The following ARHGEF28 variants were observed in gnomAD, a reference collection of about 807,000 sequenced individuals.
ARHGEF28 encodes 190 kDa guanine nucleotide exchange factor.
Under a neutral mutation model 206.6 loss-of-function variants are expected in ARHGEF28, and 152 were observed. The observed-to-expected ratio is 0.74, with a 90% CI of 0.64 to 0.84. The LOEUF (loss-of-function observed/expected upper bound fraction) is 0.84. Ranked by LOEUF, ARHGEF28 falls within the 40% of genes least tolerant of loss-of-function variation. The probability of loss-of-function intolerance (pLI) is 0.00; values close to 1 mark genes in which losing one functional copy is unlikely to be tolerated. For synonymous variants in ARHGEF28, 763 were observed against 776.4 expected, an observed-to-expected ratio of 0.98 and a Z score of 0.29; for missense variants, 2,028 against 2,073.2, an observed-to-expected ratio of 0.98 and a Z score of 0.42.
At chr5:73,915,050 C>T (rs1338362255) in intron 35 of ARHGEF28, among the ~76,000 whole-genome samples, 1 of 152,184 alleles carries the variant, frequency 6.6e-6, no homozygotes, top group Non-Finnish European at 1.5e-5. Context: ...ATGAGTTGTA[C>T]TTTTTAAAGA....
At chr5:73,740,170 C>A (rs1310536938) in intron 2 of ARHGEF28, among the ~76,000 whole-genome samples, 7 of 126,960 alleles carry the variant, frequency 5.5e-5, no homozygotes, top group Non-Finnish European at 3.3e-5. Context: ...TAGTGAGAAC[C>A]TATCTCAAAA....
chr5:73,735,722 CT>C (rs1331087340), intron 2 of ARHGEF28, among the ~76,000 whole-genome samples: 1 of 152,196 alleles, frequency 6.6e-6, no homozygotes, highest in Non-Finnish European at 1.5e-5. Context: ...TCCAGGAACT[CT>C]TTGTCTTCCA....
At position 73,909,496 on chromosome 5, in the gene ARHGEF28, A is replaced by G. The variant is rs1762748317; in HGVS notation, c.4246A>G (p.Ile1416Val). 6.2e-7 allele frequency: 1 copy of G among 1,611,180 alleles called. No individual in the cohort carries two copies. The highest frequency in any genetic ancestry group is 8.5e-7 in the Non-Finnish European group (1 of 1,178,888). Residue 1416 changes from isoleucine to valine, a missense_variant, in exon 34 of 36, where the codon ATC becomes GTC. By Grantham distance (29) the Ile-to-Val change is conservative. Coordinates refer to ENST00000513042, the MANE Select transcript of ARHGEF28 (RefSeq NM_001177693.2). ...GGAGGGCCTGTCTCTCGGCCACTCT[A>G]TCCTCCGAGGCGGCCCCTTGCAGGA... is the stretch of plus-strand genomic sequence containing the variant. The part of the protein sequence containing the change: ...QQEGLSLGHS[I>V]LRGGPLQDQK...
chr5:73,894,738 G>C (rs572148423), intron 29 of ARHGEF28, among the ~76,000 whole-genome samples, 163 bp downstream of exon 29: 46 of 152,190 alleles, frequency 3.0e-4, no homozygotes, highest in Non-Finnish European at 6.0e-4. Flanking sequence ...CAAATATAAA[G>C]AAAGAAATAT....
intron 1 of ARHGEF28, among the ~76,000 whole-genome samples, chr5:73,661,673 G>A (rs1745606456): frequency 6.6e-6 from 1 of 151,982 alleles, no homozygotes; most frequent in Admixed American, 6.6e-5. Flanking sequence ...GTGTCTCAGG[G>A]AATAGGAAAG....
chr5:73,755,791 C>T (rs1752276852), intron 4 of ARHGEF28, among the ~76,000 whole-genome samples: 1 of 152,148 alleles, frequency 6.6e-6, no homozygotes, highest in South Asian at 2.1e-4. Context: ...ATCCTATTGC[C>T]ATTTTCATTG....
chr5:73,777,457 C>T (rs1753605716), intron 6 of ARHGEF28, among the ~76,000 whole-genome samples: 1 of 152,184 alleles, frequency 6.6e-6, no homozygotes, highest in Non-Finnish European at 1.5e-5. Context: ...GGTCTCGTGA[C>T]TATTTAGGCT....
At chr5:73,675,525 G>A (rs544660103) in intron 1 of ARHGEF28, among the ~76,000 whole-genome samples, 1 of 152,184 alleles carries the variant, frequency 6.6e-6, no homozygotes, top group Admixed American at 6.5e-5. Context: ...AAGGTCAGGA[G>A]ATTGAGACCA....
In ARHGEF28 at chr5:73,911,540, C is replaced by T; in HGVS notation, c.4913C>T (p.Pro1638Leu). Residue 1638 changes from proline (P) to leucine (L), a missense_variant, in exon 35 of 36, where the codon CCT (proline) becomes CTT (leucine). Pro to Leu is a moderately conservative substitution (Grantham distance 98). This residue lies in a region of ARHGEF28 where 803 missense variants were observed against 768.0 expected (regional missense o/e 1.05). Coordinates refer to ENST00000513042, the MANE Select transcript of ARHGEF28 (RefSeq NM_001177693.2). ...TAAGSGHQIL[P>L]FHESSKDSCK... ...GCTGGTTCCGGCCATCAGATACTTCCTTTCCATGAAAGCAGCAAGGATTCT... is the reference window on the plus strand; with the variant it reads ...GCTGGTTCCGGCCATCAGATACTTCTTTTCCATGAAAGCAGCAAGGATTCT... 6.2e-7 allele frequency: 1 copy of T among 1,611,414 alleles called. No homozygotes were observed. The highest frequency in any genetic ancestry group is 8.5e-7 in the Non-Finnish European group (1 of 1,178,588).
At chr5:73,784,712 T>A (rs1754051203) in intron 7 of ARHGEF28, among the ~76,000 whole-genome samples, 1 of 152,214 alleles carries the variant, frequency 6.6e-6, no homozygotes, top group Admixed American at 6.5e-5. Flanking sequence ...TGGATAACAC[T>A]GAACCTTATA....
At chr5:73,758,210 C>A (rs1325036606) in intron 4 of ARHGEF28, among the ~76,000 whole-genome samples, 1 of 152,112 alleles carries the variant, frequency 6.6e-6, no homozygotes, top group Non-Finnish European at 1.5e-5. Context: ...TAGCTTCTCT[C>A]CTAACCTATG....
chr5:73,703,023 A>T (rs1396711321), intron 2 of ARHGEF28, among the ~76,000 whole-genome samples: 3 of 152,238 alleles, frequency 2.0e-5, no homozygotes, highest in Non-Finnish European at 4.4e-5. Flanking sequence ...AAAGTGATAG[A>T]TCAGATAACA....
At chr5:73,742,597 G>A (rs548222855) in intron 2 of ARHGEF28, among the ~76,000 whole-genome samples, 4,328 of 151,416 alleles carry the variant, frequency 0.029, 202 homozygotes, top group African/African-American at 0.096. Flanking sequence ...GGCCGAGGCG[G>A]GTGGATCATG....
intron 27 of ARHGEF28, among the ~76,000 whole-genome samples, chr5:73,892,620 A>G (rs996255133): frequency 5.3e-5 from 8 of 152,072 alleles, no homozygotes; most frequent in African/African-American, 1.7e-4. Context: ...GTGTTTATTT[A>G]ATTAGATTGG....
intron 2 of ARHGEF28, among the ~76,000 whole-genome samples, chr5:73,730,245 A>G (rs907372760): frequency 6.6e-6 from 1 of 152,188 alleles, no homozygotes; most frequent in African/African-American, 2.4e-5. Context: ...AAACTGTCCC[A>G]GTCAGATATG....
chr5:73,894,978 G>A lies in ARHGEF28; in HGVS notation c.3841+403G>A, dbSNP rs78826850. On this transcript the variant is annotated intron_variant, in intron 29 of 35. Coordinates refer to ENST00000513042, the MANE Select transcript of ARHGEF28 (RefSeq NM_001177693.2). The stretch of plus-strand genomic sequence containing the variant: ...CCTGGTGCATGGAAGTGCCAGGCTC[G>A]CCTGAGGAGCAGGCAGGGGGACAGC... Among the ~76,000 whole-genome samples, 350 of 152,210 alleles carry A rather than the reference G, an allele frequency of 2.3e-3. 4 individuals carry two copies. The East Asian group carries it at 0.056, about 24-fold the overall frequency.
intron 2 of ARHGEF28, among the ~76,000 whole-genome samples, chr5:73,719,412 GAAA>G (rs34402245): frequency 2.6e-5 from 3 of 114,070 alleles, no homozygotes; most frequent in Admixed American, 9.9e-5. Flanking sequence ...CTCCGTCTCA[GAAA>G]AAAAAAAAAA....
intron 13 of ARHGEF28, 170 bp downstream of exon 13, chr5:73,849,257 A>G: frequency 1.8e-6 from 1 of 555,222 alleles, no homozygotes; most frequent in Admixed American, 3.7e-5. Context: ...GATAACAGCC[A>G]AATTTGATTT....
chr5:73,752,177 A>C (rs6873741), intron 3 of ARHGEF28, among the ~76,000 whole-genome samples: 1 of 151,986 alleles, frequency 6.6e-6, no homozygotes, highest in Admixed American at 6.5e-5. Context: ...TGCCAAGGGC[A>C]GCATAAAAAT....
Sources: gnomAD v4.1 joint callset for allele counts (sites outside exome capture counted in the v4.1 genomes callset) on GRCh38, gnomAD v4.1.1 for gene constraint, gnomAD v4.1.1 regional missense constraint, MANE v1.5 for transcripts, NCBI Gene and HGNC (gene_info 2026-07-23, HGNC 2026-07-21) for gene names.